Variants in EPHA2 observed in about 807,000 individuals in gnomAD.
EPHA2 encodes the protein EPH receptor A2.
Under a neutral mutation model 104.9 loss-of-function variants are expected in EPHA2, and 54 were observed. That is an observed-to-expected ratio of 0.51 (90% confidence interval 0.41 to 0.65). EPHA2 has a LOEUF of 0.65. EPHA2 is among the 30% of genes least tolerant of loss of function. The pLI, the probability that EPHA2 is intolerant of heterozygous loss-of-function variation, is 0.00. For synonymous variants in EPHA2, 560 were observed against 559.1 expected, an observed-to-expected ratio of 1.00 and a Z score of -0.02; for missense variants, 1,117 against 1,369.5, an observed-to-expected ratio of 0.82 and a Z score of 2.91.
Position 16,128,545 on chromosome 1 carries a change from C to G in EPHA2, c.2825+889G>C, listed in dbSNP as rs1218859314. 6.6e-6 allele frequency among the ~76,000 whole-genome samples: 1 copy of G among 152,226 alleles called. No individual in the cohort carries two copies. The highest frequency in any genetic ancestry group is 1.5e-5 in the Non-Finnish European group (1 of 68,044). On this transcript the variant is annotated intron_variant, in intron 16 of 16. Coordinates refer to ENST00000358432, the MANE Select transcript of EPHA2 (RefSeq NM_004431.5). This position sits in a 1 kb window ranked among gnomAD's most constrained non-coding sequence, Gnocchi z 4.7. The stretch of plus-strand genomic sequence containing the variant: ...ACGGTTCCCAAAACCTCCCAGCCTC[C>G]CGGTCTGTTCCCGCCATGATCTTTG...
chr1:16,128,632 G>A lies in EPHA2; in HGVS notation c.2825+802C>T, dbSNP rs567022382. ...TTTTTAGAGGCACAAAAGGCTAAGAGGATAGGGTCTCCCCCTTCCTGGGAC... is the reference window on the plus strand; with the variant it reads ...TTTTTAGAGGCACAAAAGGCTAAGAAGATAGGGTCTCCCCCTTCCTGGGAC... On this transcript the variant is annotated intron_variant, in intron 16 of 16. Coordinates refer to ENST00000358432, the MANE Select transcript of EPHA2 (RefSeq NM_004431.5). The surrounding 1 kb of genome is among the most constrained non-coding windows in gnomAD (Gnocchi z 4.7). Among the ~76,000 whole-genome samples, 1 of 152,312 alleles carries A rather than the reference G, an allele frequency of 6.6e-6. No homozygotes were observed. Among genetic ancestry groups the A allele is most frequent in the South Asian group, 2.1e-4 (1 of 4,830 alleles).
rs540121548 is a variant in EPHA2, at chr1:16,129,337, G to T, written c.2825+97C>A. On this transcript the variant is annotated intron_variant, in intron 16 of 16. Transcript: ENST00000358432. ...CAGAAGAGAAAGAACAAAGAGAGGA[G>T]CATTGAGGGGCAGGGAAGAGGGCTG... 5.7e-6 allele frequency: 8 copies of T among 1,394,144 alleles called. No individual in the cohort carries two copies. In the Middle Eastern group the frequency reaches 8.7e-4, roughly 152 times the overall value. The allele number at this position is 1,394,144 out of a possible 1,614,324, so 86.4% of individuals were successfully genotyped here.
intron 11 of EPHA2, among the ~76,000 whole-genome samples, 168 bp from the exon 12 acceptor site, chr1:16,132,607 G>T (rs1000430607): frequency 6.8e-6 from 1 of 147,082 alleles, no homozygotes; most frequent in Non-Finnish European, 1.5e-5. Context: ...AGAGGTGTGG[G>T]GAAAGCTGGG....
intron 3 of EPHA2, among the ~76,000 whole-genome samples, chr1:16,138,812 C>T (rs995856304): frequency 9.9e-5 from 15 of 152,220 alleles, no homozygotes; most frequent in African/African-American, 3.6e-4. Context: ...CCCCTTTCCT[C>T]CATGCAGACT....
At chr1:16,139,833 G>A (rs1375884465) in intron 3 of EPHA2, among the ~76,000 whole-genome samples, 1 of 152,178 alleles carries the variant, frequency 6.6e-6, no homozygotes, top group Non-Finnish European at 1.5e-5. Flanking sequence ...ACTTTATCCT[G>A]GAGGCAATGG....
Position 16,135,294 on chromosome 1 carries a change from T to A in EPHA2, c.1429-105A>T, listed in dbSNP as rs2024662252. On this transcript the variant is annotated intron_variant, in intron 6 of 16. Coordinates refer to ENST00000358432, the MANE Select transcript of EPHA2 (RefSeq NM_004431.5). This position sits in a 1 kb window ranked among gnomAD's most constrained non-coding sequence, Gnocchi z 4.3. ...AAGCTAGCAAGGTGGCTTGCCTTTG[T>A]TAGCAAACTTGAGGCTCTTCTTACA... is the stretch of plus-strand genomic sequence containing the variant. The A allele has an allele frequency of 6.8e-7, 1 of 1,469,506 alleles. No individual in the cohort carries two copies. The allele number at this position is 1,469,506 out of a possible 1,614,324, so 91.0% of individuals were successfully genotyped here.
chr1:16,137,190 C>A (rs889850144), intron 5 of EPHA2, among the ~76,000 whole-genome samples: 1 of 151,984 alleles, frequency 6.6e-6, no homozygotes, highest in Non-Finnish European at 1.5e-5. Context: ...AGCTCAGAAG[C>A]GGCTCTGGAG....
At position 16,133,201 on chromosome 1, in the gene EPHA2, G is replaced by A; in HGVS notation, c.2032C>T (p.Leu678=). The A allele has an allele frequency of 6.2e-7, 1 of 1,613,686 alleles. No homozygotes were observed. Among genetic ancestry groups the A allele is most frequent in the Non-Finnish European group, 8.5e-7 (1 of 1,179,892 alleles). Residue 678 remains leucine (L), a synonymous_variant, in exon 11 of 17, where the codon CTA becomes TTA. Coordinates refer to ENST00000358432, the MANE Select transcript of EPHA2 (RefSeq NM_004431.5). ...TCACATTTGGAGATGACGCCCTCTA[G>A]GCGGATGATGTTGTGGTGGCTGAAC... ...GQFSHHNIIR[L]EGVISKYKPM...
rs536986914 is a variant in EPHA2, at chr1:16,132,044, G to A, written c.2325+20C>T. ...AGGGCGAAGGCCGCTTCTCCCTTGA[G>A]GTCCCCTTCCCCAACTTACACTGGT... On this transcript the variant is annotated intron_variant, in intron 13 of 16. Coordinates refer to ENST00000358432, the MANE Select transcript of EPHA2 (RefSeq NM_004431.5). 4.3e-5 allele frequency: 69 copies of A among 1,613,904 alleles called. No homozygotes were observed. Among genetic ancestry groups the A allele is most frequent in the Admixed American group, 6.7e-5 (4 of 59,998 alleles).
chr1:16,154,737 C>G (rs1159464244), intron 1 of EPHA2, among the ~76,000 whole-genome samples: 2 of 93,798 alleles, frequency 2.1e-5, no homozygotes, highest in African/African-American at 8.3e-5. Context: ...GTCTGGGCAA[C>G]AAGTGCGAAA....
chr1:16,138,288 C>A lies in EPHA2; in HGVS notation c.966G>T (p.Ser322=). 6.2e-7 allele frequency: 1 copy of A among 1,613,448 alleles called. No individual in the cohort carries two copies. Among genetic ancestry groups the A allele is most frequent in the South Asian group, 1.1e-5 (1 of 90,994 alleles). Residue 322 remains serine (S), a synonymous_variant, in exon 4 of 17, where the codon TCG becomes TCT. Coordinates refer to ENST00000358432, the MANE Select transcript of EPHA2 (RefSeq NM_004431.5). ...GFFRAPQDPA[S]MPCTRPPSAP... ...TGCAAGACTCACGTGTGCAAGGCAT[C>A]GACGCTGGGTCCTGAGGTGCCCGGA...
At chr1:16,136,791 T>C (rs2024719599) in intron 5 of EPHA2, among the ~76,000 whole-genome samples, 1 of 135,112 alleles carries the variant, frequency 7.4e-6, no homozygotes. Context: ...TTTTGCTGAA[T>C]GCTTTCTTTT....
At chr1:16,145,255 C>T (rs537605844) in intron 3 of EPHA2, among the ~76,000 whole-genome samples, 1 of 152,334 alleles carries the variant, frequency 6.6e-6, no homozygotes, top group South Asian at 2.1e-4. Flanking sequence ...CCGAGCGACT[C>T]CACTGTCCCC....
At chr1:16,136,755 G>T (rs1481958229) in intron 5 of EPHA2, among the ~76,000 whole-genome samples, 1 of 144,904 alleles carries the variant, frequency 6.9e-6, no homozygotes, top group Non-Finnish European at 1.5e-5. Context: ...AGAAGAAGAA[G>T]AAGAAGAAGA....
At chr1:16,145,967 G>C (rs1324245103) in intron 3 of EPHA2, among the ~76,000 whole-genome samples, 1 of 152,198 alleles carries the variant, frequency 6.6e-6, no homozygotes, top group Non-Finnish European at 1.5e-5. Context: ...GATTCCGCTC[G>C]CATGTCTGAT....
chr1:16,156,051 C>A lies in EPHA2; in HGVS notation c.-119G>T. ...CGGCCTGCGCGCAACTTCTGCCCCT[C>A]CTGCCCCGAGTCCTTAATGGAAGTT... On this transcript the variant is annotated 5_prime_UTR_variant, in exon 1 of 17. Transcript: ENST00000358432. 1.3e-6 allele frequency: 1 copy of A among 798,978 alleles called. No individual in the cohort carries two copies. The highest frequency in any genetic ancestry group is 2.4e-5 in the South Asian group (1 of 41,642). The allele number at this position is 798,978 out of a possible 1,614,324, so 49.5% of individuals were successfully genotyped here.
At chr1:16,138,465 T>G (rs1487299336) in intron 3 of EPHA2, 35 bp from the exon 4 acceptor site, 2 of 1,612,556 alleles carry the variant, frequency 1.2e-6, no homozygotes, top group African/African-American at 1.3e-5. Flanking sequence ...CACAAGGACA[T>G]CAGTTCAATC....
Position 16,140,441 on chromosome 1 carries a change from A to G in EPHA2, c.824-2011T>C, listed in dbSNP as rs112371890. On this transcript the variant is annotated intron_variant, in intron 3 of 16. Coordinates refer to ENST00000358432, the MANE Select transcript of EPHA2 (RefSeq NM_004431.5). Reference sequence around the variant, plus strand: ...GGCTCGGGCTAAGCACTGTACCCTCATTTAGTCCTCGCAATAGACCTGCTA... The same window carrying G: ...GGCTCGGGCTAAGCACTGTACCCTCGTTTAGTCCTCGCAATAGACCTGCTA... 6.6e-3 allele frequency among the ~76,000 whole-genome samples: 1,000 copies of G among 152,248 alleles called. 18 individuals carry two copies. The highest frequency in any genetic ancestry group is 0.022 in the African/African-American group (903 of 41,528).
rs2025159499 is a variant in EPHA2 at position 16,155,938 on chromosome 1, G to C, written c.-6C>G. On this transcript the variant is annotated 5_prime_UTR_variant, in exon 1 of 17. Transcript: ENST00000358432. The stretch of plus-strand genomic sequence containing the variant: ...CGGGCTGCCTGGAGCTCCATGCCGC[G>C]CTTCTCGCTCTCGGTCCGATCCCCC... 4.7e-6 allele frequency: 7 copies of C among 1,489,244 alleles called. No homozygotes were observed. In the Admixed American group the frequency reaches 1.3e-4, roughly 28 times the overall value. The allele number at this position is 1,489,244 out of a possible 1,614,324, so 92.3% of individuals were successfully genotyped here. A position where few individuals can be genotyped will look rare whatever the true frequency, so the allele number is the denominator to read the frequency against.
Sources: allele counts gnomAD v4.1 joint callset (sites outside exome capture counted in the v4.1 genomes callset), GRCh38; gene constraint gnomAD v4.1.1; non-coding constraint Gnocchi (gnomAD v3.1); transcripts MANE v1.5; gene names NCBI Gene and HGNC (gene_info 2026-07-23, HGNC 2026-07-21).